The following ANO3 variants were observed in gnomAD, a reference collection of about 807,000 sequenced individuals.
ANO3 encodes the protein anoctamin-3.
A neutral mutation model predicts 144.8 loss-of-function variants in ANO3; 99 were observed. That is an observed-to-expected ratio of 0.68 (90% CI 0.58 to 0.81). ANO3 has a LOEUF of 0.81. ANO3 is among the 30% of genes least tolerant of loss of function. The pLI is 0.00. For missense variants in ANO3, 905 were observed against 1,202.2 expected, an observed-to-expected ratio of 0.75 and a Z score of 3.66; for synonymous variants, 414 against 392.6, an observed-to-expected ratio of 1.05 and a Z score of -0.64.
intron 5 of ANO3, among the ~76,000 whole-genome samples, chr11:26,513,132 A>T (rs1861731108): frequency 6.6e-6 from 1 of 152,208 alleles, no homozygotes; most frequent in Non-Finnish European, 1.5e-5. Flanking sequence ...TGATCAAATG[A>T]TGGAAGTGGA....
intron 1 of ANO3, among the ~76,000 whole-genome samples, chr11:26,225,760 T>C (rs1228652550): frequency 6.6e-6 from 1 of 152,162 alleles, no homozygotes; most frequent in Non-Finnish European, 1.5e-5. Context: ...CCTAGTACTT[T>C]TCAAACATTT....
chr11:26,578,510 T>C (rs144604311), intron 14 of ANO3, among the ~76,000 whole-genome samples: 43 of 152,198 alleles, frequency 2.8e-4, no homozygotes, highest in African/African-American at 1.0e-3. Flanking sequence ...AAAAAGGGAA[T>C]AGTGAATTTG....
intron 1 of ANO3, among the ~76,000 whole-genome samples, chr11:26,244,309 A>G (rs1564931543): frequency 6.6e-6 from 1 of 152,198 alleles, no homozygotes; most frequent in East Asian, 1.9e-4. Flanking sequence ...GAGTGGCTTC[A>G]GCAATCTACA....
At chr11:26,557,197 C>T (rs1452654525) in intron 13 of ANO3, among the ~76,000 whole-genome samples, 1 of 152,098 alleles carries the variant, frequency 6.6e-6, no homozygotes, top group African/African-American at 2.4e-5. Flanking sequence ...CGCGGTGGCT[C>T]ACACCAGTAA....
intron 4 of ANO3, among the ~76,000 whole-genome samples, chr11:26,466,605 G>A (rs542749810): frequency 6.6e-6 from 1 of 151,936 alleles, no homozygotes; most frequent in African/African-American, 2.4e-5. Flanking sequence ...GGGACCAGAG[G>A]CTCATAAGCA....
chr11:26,515,619 A>C (rs1347173946), intron 5 of ANO3, among the ~76,000 whole-genome samples: 1 of 152,016 alleles, frequency 6.6e-6, no homozygotes, highest in Middle Eastern at 3.2e-3. Context: ...TGCATATGAA[A>C]ATGTTATAGT....
chr11:26,293,530 C>CATATATATATATATAT (rs375743472), intron 1 of ANO3, among the ~76,000 whole-genome samples: 4 of 62,434 alleles, frequency 6.4e-5, no homozygotes, highest in Non-Finnish European at 9.3e-5. Flanking sequence ...CTATAAATTC[C>CATATATATATATATAT]ATGTATATAT....
intron 1 of ANO3, among the ~76,000 whole-genome samples, chr11:26,293,834 G>T (rs1212249469): frequency 6.6e-6 from 1 of 151,976 alleles, no homozygotes; most frequent in Non-Finnish European, 1.5e-5. Flanking sequence ...TCCGTAATAA[G>T]TTTATCAGAT....
At chr11:26,288,787 A>G (rs1029961633) in intron 1 of ANO3, among the ~76,000 whole-genome samples, 24 of 152,048 alleles carry the variant, frequency 1.6e-4, no homozygotes, top group Non-Finnish European at 3.1e-4. Context: ...CAACACTGGC[A>G]TTTTTAAATT....
At chr11:26,230,838 A>G (rs1423534284) in intron 1 of ANO3, among the ~76,000 whole-genome samples, 1 of 119,520 alleles carries the variant, frequency 8.4e-6, no homozygotes, top group Non-Finnish European at 1.8e-5. Flanking sequence ...AAAAAAAAAA[A>G]GTTTATCTTT....
chr11:26,200,377 G>A (rs1196208767), intron 1 of ANO3, among the ~76,000 whole-genome samples: 1 of 152,082 alleles, frequency 6.6e-6, no homozygotes, highest in Non-Finnish European at 1.5e-5. Flanking sequence ...TCTCATCTGT[G>A]AGGCTTTCTT....
chr11:26,404,931 ATATGTGTG>A (rs758030739), intron 1 of ANO3, among the ~76,000 whole-genome samples: 12 of 39,216 alleles, frequency 3.1e-4, no homozygotes, highest in African/African-American at 7.2e-4. Context: ...GAATTTATAT[ATATGTGTG>A]TGTGTGTGTG....
rs76625993 is a variant in ANO3, at chr11:26,395,438, T to C, written c.47-46480T>C. Among the ~76,000 whole-genome samples, 591 of 152,212 alleles carry C rather than the reference T, an allele frequency of 3.9e-3. 1 individual carries two copies. The highest frequency in any genetic ancestry group is 6.8e-3 in the Middle Eastern group (2 of 294). The stretch of plus-strand genomic sequence containing the variant: ...AGCATGTTTTTCCATTTGTTTGTGT[T>C]CTCTCTTATTTCCTTGAGCAGTGGT... On this transcript the variant is annotated intron_variant, in intron 1 of 26. Coordinates refer to ENST00000256737, the MANE Select transcript of ANO3 (RefSeq NM_031418.4).
At chr11:26,408,117 G>C (rs1176842899) in intron 1 of ANO3, among the ~76,000 whole-genome samples, 7 of 151,924 alleles carry the variant, frequency 4.6e-5, no homozygotes, top group East Asian at 1.9e-4. Flanking sequence ...AGCCAAAATT[G>C]ACAAATGGGA....
chr11:26,565,164 C>A (rs1244911347), intron 14 of ANO3: 1 of 1,499,266 alleles, frequency 6.7e-7, no homozygotes, highest in Non-Finnish European at 8.9e-7. Flanking sequence ...TTTATATTTA[C>A]CTTTTTGGGG....
intron 1 of ANO3, among the ~76,000 whole-genome samples, chr11:26,358,884 T>G (rs1331085326): frequency 6.6e-6 from 1 of 152,208 alleles, no homozygotes; most frequent in Non-Finnish European, 1.5e-5. Flanking sequence ...AGTGTATGGT[T>G]TTTCTCATAA....
chr11:26,257,469 T>A (rs1853086323), intron 1 of ANO3, among the ~76,000 whole-genome samples: 2 of 152,264 alleles, frequency 1.3e-5, no homozygotes, highest in Middle Eastern at 3.4e-3. Flanking sequence ...ATGGTTCAGT[T>A]CTTTCACTAA....
At chr11:26,243,869 C>G (rs1852720016) in intron 1 of ANO3, among the ~76,000 whole-genome samples, 2 of 151,992 alleles carry the variant, frequency 1.3e-5, no homozygotes, top group African/African-American at 4.8e-5. Flanking sequence ...CCTGTAATCC[C>G]AGCACTTTGG....
At chr11:26,453,667 T>C (rs1859035272) in intron 3 of ANO3, among the ~76,000 whole-genome samples, 1 of 152,052 alleles carries the variant, frequency 6.6e-6, no homozygotes. Context: ...ATTAGACAGA[T>C]CAACGAGAAA....
Sources: allele counts gnomAD v4.1 joint callset (sites outside exome capture counted in the v4.1 genomes callset), GRCh38; gene constraint gnomAD v4.1.1; transcripts MANE v1.5; gene names NCBI Gene and HGNC (gene_info 2026-07-23, HGNC 2026-07-21).